The following TSC2 variants were observed in gnomAD, a reference collection of about 807,000 sequenced individuals.
TSC2 encodes the protein tuberin.
In TSC2, 29 loss-of-function variants were observed where a neutral mutation model predicts 202.2. The ratio of observed to expected loss-of-function variants is 0.14; its 90% CI spans 0.11 to 0.20. The LOEUF (loss-of-function observed/expected upper bound fraction) is 0.20, where lower values mean the gene tolerates loss of function less well. TSC2 is among the 10% of genes least tolerant of loss of function. The pLI, the probability that TSC2 is intolerant of heterozygous loss-of-function variation, is 1.00. For synonymous variants in TSC2, 1,349 were observed against 1,044.0 expected, an observed-to-expected ratio of 1.29 and a Z score of -5.63; for missense variants, 2,429 against 2,420.0, an observed-to-expected ratio of 1.00 and a Z score of -0.08.
chr16:2,085,945 G>A (rs994624304), intron 36 of TSC2, among the ~76,000 whole-genome samples: 4 of 152,186 alleles, frequency 2.6e-5, no homozygotes, highest in Non-Finnish European at 5.9e-5. Flanking sequence ...GAGGGGCCAG[G>A]GCCCCGGGTG....
rs983022985 is a variant in TSC2, at chr16:2,088,664, A to ATAAAT, written c.*55_*59dup. 29 of 1,549,996 alleles carry ATAAAT rather than the reference A, an allele frequency of 1.9e-5. No individual in the cohort carries two copies. Among genetic ancestry groups the ATAAAT allele is most frequent in the Admixed American group, 3.7e-5 (2 of 53,388 alleles). ...TTGGACGGTATTGCCTGTCAGTGAA[A>ATAAAT]TAAATAAAGTCCTGACCCCAGTGCA... On this transcript the variant is annotated 3_prime_UTR_variant, in exon 42 of 42. Coordinates refer to ENST00000219476, the MANE Select transcript of TSC2 (RefSeq NM_000548.5).
intron 11 of TSC2, 70 bp from the exon 12 acceptor site, chr16:2,061,801 G>T (rs944128929): frequency 8.1e-6 from 13 of 1,612,186 alleles, no homozygotes; most frequent in Non-Finnish European, 9.3e-6. Context: ...TGGGTGTGTA[G>T]CGAGGCCTCT....
chr16:2,088,182 C>G (rs45517402), intron 40 of TSC2, 43 bp downstream of exon 40: 1 of 1,612,926 alleles, frequency 6.2e-7, no homozygotes, highest in Non-Finnish European at 8.5e-7. Context: ...GGGACAGGCC[C>G]AGGTGCCACC....
At chr16:2,055,259 T>A (rs544005749) in intron 5 of TSC2, 143 bp from the exon 6 acceptor site, 1 of 758,274 alleles carries the variant, frequency 1.3e-6, no homozygotes, top group African/African-American at 1.7e-5. Context: ...GCCCAGTGCG[T>A]GGTCTGTCTG....
rs1042187598 is a variant in TSC2 at position 2,064,171 on chromosome 16, C to T, written c.1444-101C>T. 1.9e-6 allele frequency: 3 copies of T among 1,579,014 alleles called. No homozygotes were observed. In the Admixed American group the frequency reaches 5.0e-5, roughly 26 times the overall value. On this transcript the variant is annotated intron_variant, in intron 14 of 41. Transcript: ENST00000219476. ...CCAGCTGTGCTGAAGTCCCGAGGGACATGTCCGCTGCTTGCGGGTCGGTTC... is the reference window on the plus strand; with the variant it reads ...CCAGCTGTGCTGAAGTCCCGAGGGATATGTCCGCTGCTTGCGGGTCGGTTC...
Position 2,060,173 on chromosome 16 carries a change from G to C in TSC2, c.976-497G>C, listed in dbSNP as rs139998815. Among the ~76,000 whole-genome samples the C allele has an allele frequency of 2.1e-3, 317 of 152,350 alleles. 2 individuals are homozygous for C. The highest frequency in any genetic ancestry group is 7.5e-3 in the African/African-American group (310 of 41,582). Reference sequence around the variant, plus strand: ...GTTTCCGCAGTGCCCCGTGATGACAGCGCTTTTTGTGTCCGTCCTCGTTCT... The same window carrying C: ...GTTTCCGCAGTGCCCCGTGATGACACCGCTTTTTGTGTCCGTCCTCGTTCT... On this transcript the variant is annotated intron_variant, in intron 10 of 41. Transcript: ENST00000219476.
Position 2,087,056 on chromosome 16 carries a change from C to G in TSC2, c.4989+185C>G, listed in dbSNP as rs1407828417. The G allele has an allele frequency of 4.7e-6, 4 of 843,778 alleles. No individual in the cohort carries two copies. The African/African-American group carries it at 6.8e-5, about 14-fold the overall frequency. The allele number at this position is 843,778 out of a possible 1,614,324, so 52.3% of individuals were successfully genotyped here. A position where few individuals can be genotyped will look rare whatever the true frequency, so the allele number is the denominator to read the frequency against. ...GCGTTGTGTCCTCTGTGCCCTGAAG[C>G]CTGTGGCGCCTGCTGCTGAGTGTCT... On this transcript the variant is annotated intron_variant, in intron 38 of 41. Transcript: ENST00000219476.
At chr16:2,068,896 A>T (rs933654481) in intron 16 of TSC2, 1 of 142,042 alleles carries the variant, frequency 7.0e-6, no homozygotes, top group Non-Finnish European at 1.5e-5. Context: ...AAAAAAAATC[A>T]TAAGGAAGCG....
At position 2,086,855 on chromosome 16, in the gene TSC2, A is replaced by G. The variant is rs1050594534; in HGVS notation, c.4973A>G (p.Lys1658Arg). The stretch of plus-strand genomic sequence containing the variant: ...TACAATGACTCCGGTGAGGACTTCA[A>G]GCTTGGCACCATCAAGGTGAGTGAG... ...IVYNDSGEDF[K>R]LGTIKGQFNF... The change falls in exon 38 of 42, where the codon AAG (lysine) becomes AGG (arginine). Residue 1658 changes from lysine to arginine, a missense_variant. Transcript: ENST00000219476. 3.8e-6 allele frequency: 6 copies of G among 1,596,418 alleles called. No homozygotes were observed. Among genetic ancestry groups the G allele is most frequent in the Non-Finnish European group, 5.1e-6 (6 of 1,172,432 alleles).
chr16:2,063,926 C>T (rs1055387656), intron 14 of TSC2: 7 of 423,772 alleles, frequency 1.7e-5, no homozygotes, highest in Admixed American at 1.4e-4. Context: ...CCACACACAC[C>T]CTCACGCACA....
At chr16:2,066,540 G>C (rs141730277) in intron 16 of TSC2, 5 of 152,114 alleles carry the variant, frequency 3.3e-5, no homozygotes, top group Middle Eastern at 3.4e-3. Flanking sequence ...GTGAATTGTT[G>C]GGCCCTAGGT....
rs943296457 is a variant in TSC2 at position 2,082,259 on chromosome 16, A to C, written c.3815-177A>C. Reference sequence around the variant, plus strand: ...CGTCTATTCACGGGAGGAGGGAGGCACTGCCCTCCTCAGGTCTGCCCAAGC... The same window carrying C: ...CGTCTATTCACGGGAGGAGGGAGGCCCTGCCCTCCTCAGGTCTGCCCAAGC... On this transcript the variant is annotated intron_variant, in intron 31 of 41. Transcript: ENST00000219476. 3.4e-5 allele frequency: 24 copies of C among 699,280 alleles called. No homozygotes were observed. The East Asian group carries it at 5.8e-4, about 17-fold the overall frequency. The allele number at this position is 699,280 out of a possible 1,614,324, so 43.3% of individuals were successfully genotyped here.
intron 3 of TSC2, among the ~76,000 whole-genome samples, chr16:2,050,962 C>T (rs2085036246): frequency 6.6e-6 from 1 of 152,166 alleles, no homozygotes; most frequent in South Asian, 2.1e-4. Context: ...CGAATACAAC[C>T]TTGAGGGACC....
rs397515296 is a variant in TSC2 at position 2,070,559 on chromosome 16, C to T, written c.1820C>T (p.Ala607Val). ...AAGCACAGCTACACCCTGCCAATCG[C>T]GAGCAGCATCCGGCTGCAGGTATGG... ...HYKHSYTLPI[A>V]SSIRLQAFDF... Residue 607 changes from alanine to valine, a missense_variant, in exon 17 of 42, where the codon GCG becomes GTG. Ala to Val is a moderately conservative substitution (Grantham distance 64, BLOSUM62 0). Transcript: ENST00000219476. 76 of 1,613,050 alleles carry T rather than the reference C, an allele frequency of 4.7e-5. No individual in the cohort carries two copies. The highest frequency in any genetic ancestry group is 1.6e-4 in the Middle Eastern group (1 of 6,084).
In TSC2 at chr16:2,087,929, C is replaced by G. The variant is rs45517388; in HGVS notation, c.5056C>G (p.Gln1686Glu). 1 of 1,605,174 alleles carries G rather than the reference C, an allele frequency of 6.2e-7. No homozygotes were observed. ...CTACGAGTGCAACCTGGTGTCCCTG[C>G]AGTGCAGGAAAGGTAGGGCCGGGTG... ...LDYECNLVSL[Q>E]CRKDMEGLVD... The change falls in exon 39 of 42, where the codon CAG becomes GAG. Residue 1686 changes from glutamine to glutamate, a missense_variant. Gln to Glu is a conservative substitution (Grantham distance 29). Transcript: ENST00000219476.
intron 24 of TSC2, 46 bp downstream of exon 24, chr16:2,076,216 C>G (rs2151390475): frequency 6.2e-7 from 1 of 1,611,368 alleles, no homozygotes; most frequent in Non-Finnish European, 8.5e-7. Flanking sequence ...TAGGCCAGGG[C>G]TTGCTTTGCC....
Position 2,089,390 on chromosome 16 carries a change from C to T in TSC2, c.*780C>T, listed in dbSNP as rs1020622120. 3 of 413,516 alleles carry T rather than the reference C, an allele frequency of 7.3e-6. No individual in the cohort carries two copies. Among genetic ancestry groups the T allele is most frequent in the African/African-American group, 6.0e-5 (3 of 49,850 alleles). The allele number at this position is 413,516 out of a possible 1,614,324, so 25.6% of individuals were successfully genotyped here. On this transcript the variant is annotated 3_prime_UTR_variant, in exon 42 of 42. Coordinates refer to ENST00000219476, the MANE Select transcript of TSC2 (RefSeq NM_000548.5). ...GCAGGCTAACCCTCCCTGAAGCCAG[C>T]AGCCTTAGCAGTGGGGGACATCTGC...
intron 6 of TSC2, chr16:2,055,958 T>C: frequency 1.6e-6 from 1 of 613,698 alleles, no homozygotes; most frequent in Admixed American, 2.5e-5. Context: ...ATGTCTTGGT[T>C]ATCTTTTTGT....
rs772656095 is a variant in TSC2, at chr16:2,071,733, TC to T, written c.1947-49del. The T allele has an allele frequency of 8.1e-6, 13 of 1,596,802 alleles. No individual in the cohort carries two copies. In the South Asian group the frequency reaches 1.5e-4, roughly 18 times the overall value. On this transcript the variant is annotated intron_variant, in intron 18 of 41. Transcript: ENST00000219476. ...CAGGGTTGGGAAGAGCCAAGTCTGT[TC>T]CGTTCCTGCTGCGGGGACTTGGCCT...
Sources: gnomAD v4.1 joint callset for allele counts (sites outside exome capture counted in the v4.1 genomes callset) on GRCh38, gnomAD v4.1.1 for gene constraint, MANE v1.5 for transcripts, NCBI Gene and HGNC (gene_info 2026-07-23, HGNC 2026-07-21) for gene names.